Variants in DNAH10 observed in about 807,000 individuals in gnomAD.
DNAH10 encodes axonemal beta dynein heavy chain 10.
DNAH10 carries 348 observed loss-of-function variants against 506.6 expected under a neutral mutation model. The ratio of observed to expected loss-of-function variants is 0.69; its 90% CI spans 0.63 to 0.75. The LOEUF is 0.75. DNAH10 is among the 30% of genes least tolerant of loss of function. The pLI, the probability that DNAH10 is intolerant of heterozygous loss-of-function variation, is 0.00. For missense variants in DNAH10, 5,179 were observed against 5,787.1 expected, an observed-to-expected ratio of 0.89 and a Z score of 3.41; for synonymous variants, 2,059 against 2,198.6, an observed-to-expected ratio of 0.94 and a Z score of 1.78.
chr12:123,847,939 T>C (rs1047257661), intron 32 of DNAH10, 22 bp from the exon 33 acceptor site: 1 of 1,590,184 alleles, frequency 6.3e-7, no homozygotes, highest in African/African-American at 1.4e-5. Flanking sequence ...AAAACATATG[T>C]TTTGCATTTG....
Position 123,933,399 on chromosome 12 carries a change from G to A in DNAH10, c.13365G>A (p.Ala4455=), listed in dbSNP as rs747764700. 46 of 1,611,670 alleles carry A rather than the reference G, an allele frequency of 2.9e-5. No homozygotes were observed. Among genetic ancestry groups the A allele is most frequent in the African/African-American group, 8.0e-5 (6 of 74,852 alleles). ...ACATCCCTGAGTCCTACCTCACGGC[G>A]CTGGTGCAGGCCACCTGCCGGAAGA... ...GLHIPESYLT[A]LVQATCRKNG... Residue 4455 remains alanine (A), a synonymous_variant, in exon 77 of 79, where the codon GCG becomes GCA. Transcript: ENST00000673944.
intron 39 of DNAH10, among the ~76,000 whole-genome samples, chr12:123,862,648 A>G (rs1353273609): frequency 6.6e-6 from 1 of 152,080 alleles, no homozygotes; most frequent in African/African-American, 2.4e-5. Context: ...GCCTCAGCCA[A>G]CTACAGTGCT....
chr12:123,848,009 G>T lies in DNAH10; in HGVS notation c.5863G>T (p.Gly1955Cys). The change falls in exon 33 of 79, where the codon GGC (glycine) becomes TGC (cysteine). Residue 1955 changes from glycine to cysteine, a missense_variant. This residue lies in a region of DNAH10 where 4,844 missense variants were observed against 5,430.5 expected (regional missense o/e 0.89). Coordinates refer to ENST00000673944, the MANE Select transcript of DNAH10 (RefSeq NM_001372106.1). ...GGAPAGPAGT[G>C]KTETTKDLAK... ...GGCCCCCGCCGGCCCAGCAGGAACC[G>T]GCAAAACCGAGACCACCAAGGACCT... 1 of 1,613,926 alleles carries T rather than the reference G, an allele frequency of 6.2e-7. No individual in the cohort carries two copies. The highest frequency in any genetic ancestry group is 2.2e-5 in the East Asian group (1 of 44,874).
intron 66 of DNAH10, 136 bp from the exon 67 acceptor site, chr12:123,924,141 CA>C: frequency 8.1e-7 from 1 of 1,239,912 alleles, no homozygotes; most frequent in Non-Finnish European, 1.1e-6. Context: ...GTGACGAGGG[CA>C]AGCCTGGGCC....
At chr12:123,861,856 C>A (rs1457809831) in intron 39 of DNAH10, among the ~76,000 whole-genome samples, 4 of 152,248 alleles carry the variant, frequency 2.6e-5, no homozygotes, top group Non-Finnish European at 1.5e-5. Context: ...AAAACAGCTT[C>A]TTAGCGCTTT....
At position 123,800,317 on chromosome 12, in the gene DNAH10, C is replaced by T; in HGVS notation, c.2391C>T (p.Tyr797=). The T allele has an allele frequency of 6.2e-7, 1 of 1,614,168 alleles. No homozygotes were observed. The highest frequency in any genetic ancestry group is 8.5e-7 in the Non-Finnish European group (1 of 1,180,028). The part of the protein sequence containing the change: ...ALREIINETK[Y]LEQLGFTVPE... Reference sequence around the variant, plus strand: ...GAGAGATTATTAATGAAACAAAGTACTTAGAGCAGCTGGGGTTCACTGTCC... The same window carrying T: ...GAGAGATTATTAATGAAACAAAGTATTTAGAGCAGCTGGGGTTCACTGTCC... Residue 797 remains tyrosine (Y), a synonymous_variant, in exon 15 of 79, where the codon TAC becomes TAT. Transcript: ENST00000673944.
chr12:123,887,341 G>A lies in DNAH10; in HGVS notation c.8995+28G>A, dbSNP rs369912156. 8.2e-5 allele frequency: 132 copies of A among 1,605,514 alleles called. No homozygotes were observed. The Middle Eastern group carries it at 8.4e-4, about 10-fold the overall frequency. On this transcript the variant is annotated intron_variant, in intron 52 of 78. Coordinates refer to ENST00000673944, the MANE Select transcript of DNAH10 (RefSeq NM_001372106.1). Reference sequence around the variant, plus strand: ...ACAGCCAAGGCTGGCGCCCGCTGTGGCCAACACCCCGCTCAGCTCTTAAGG... The same window carrying A: ...ACAGCCAAGGCTGGCGCCCGCTGTGACCAACACCCCGCTCAGCTCTTAAGG...
chr12:123,860,163 T>C (rs138756410), intron 38 of DNAH10, among the ~76,000 whole-genome samples: 2,277 of 152,358 alleles, frequency 0.015, 26 homozygotes, highest in Middle Eastern at 0.065. Flanking sequence ...CCGTGGATGC[T>C]GATAGCCCGG....
In DNAH10 at chr12:123,873,726, A is replaced by T; in HGVS notation, c.7938+16A>T. On this transcript the variant is annotated intron_variant, in intron 46 of 78. Transcript: ENST00000673944. The stretch of plus-strand genomic sequence containing the variant: ...TATGCCAAGGGTAGTTTGACGCTCA[A>T]GCAGGTGGAGGGATGGGTCAAGACA... The T allele has an allele frequency of 6.3e-7, 1 of 1,596,056 alleles. No individual in the cohort carries two copies.
intron 51 of DNAH10, among the ~76,000 whole-genome samples, chr12:123,884,371 G>A (rs1328203608): frequency 2.0e-5 from 3 of 152,212 alleles, no homozygotes; most frequent in Non-Finnish European, 4.4e-5. Flanking sequence ...GTCTTAGGCA[G>A]TTCAGGCTGT....
At chr12:123,803,511 G>C in intron 16 of DNAH10, 150 bp from the exon 17 acceptor site, 1 of 716,114 alleles carries the variant, frequency 1.4e-6, no homozygotes, top group East Asian at 2.9e-5. Flanking sequence ...GTTCAAAGTG[G>C]ATCTTTGCCA....
intron 28 of DNAH10, among the ~76,000 whole-genome samples, chr12:123,837,008 C>T (rs569202470): frequency 1.8e-4 from 28 of 151,716 alleles, no homozygotes; most frequent in Non-Finnish European, 3.7e-4. Flanking sequence ...CCCAACACCA[C>T]GCCCGGCTAA....
In DNAH10 at chr12:123,820,748, A is replaced by G; in HGVS notation, c.4169A>G (p.Glu1390Gly). ...SGLRMIYELYEGLKVAKEEWS... is the reference protein window; with the variant it reads ...SGLRMIYELYGGLKVAKEEWS... ...CTGAGGATGATTTACGAGCTCTATG[A>G]AGGACTAAAGGTGAGCATCTCCCTG... Residue 1390 changes from glutamate to glycine, a missense_variant, in exon 24 of 79, where the codon GAA (glutamate) becomes GGA (glycine). Glu to Gly is a moderately conservative substitution (Grantham distance 98). Transcript: ENST00000673944. 1 of 1,613,906 alleles carries G rather than the reference A, an allele frequency of 6.2e-7. No homozygotes were observed. The highest frequency in any genetic ancestry group is 8.5e-7 in the Non-Finnish European group (1 of 1,179,848).
In DNAH10 at chr12:123,918,880, A is replaced by G; in HGVS notation, c.11437A>G (p.Ile3813Val). 6.2e-7 allele frequency: 1 copy of G among 1,613,828 alleles called. No individual in the cohort carries two copies. The highest frequency in any genetic ancestry group is 8.5e-7 in the Non-Finnish European group (1 of 1,179,868). ...ACTGAAGAAGTCGCTGCCTGATTCC[A>G]TCCTCATGAAACGCCTGAGGAACAT... ...LSLKKSLPDSILMKRLRNIMD... is the reference protein window; with the variant it reads ...LSLKKSLPDSVLMKRLRNIMD... Residue 3813 changes from isoleucine (I) to valine (V), a missense_variant, in exon 65 of 79, where the codon ATC becomes GTC. By Grantham distance (29) the Ile-to-Val change is conservative (BLOSUM62 3). Coordinates refer to ENST00000673944, the MANE Select transcript of DNAH10 (RefSeq NM_001372106.1).
chr12:123,823,132 G>A (rs1959596221), intron 24 of DNAH10, among the ~76,000 whole-genome samples: 1 of 152,240 alleles, frequency 6.6e-6, no homozygotes, highest in African/African-American at 2.4e-5. Context: ...TGGCCTGGGA[G>A]TGAGGCTCAG....
At chr12:123,806,007 A>G (rs1444408403) in intron 18 of DNAH10, among the ~76,000 whole-genome samples, 2 of 151,924 alleles carry the variant, frequency 1.3e-5, no homozygotes, top group Non-Finnish European at 2.9e-5. Context: ...TGATCTCCTG[A>G]CCTCATGATC....
rs1458721750 is a variant in DNAH10 at position 123,919,472 on chromosome 12, T to C, written c.11506+523T>C. ...CAGCTTTATTGAGACACAATTTACA[T>C]ACCATAAATTCGTCCTTTAAAAATA... On this transcript the variant is annotated intron_variant, in intron 65 of 78. Transcript: ENST00000673944. The surrounding 1 kb of genome is among the most constrained non-coding windows in gnomAD (Gnocchi z 4.9). Among the ~76,000 whole-genome samples the C allele has an allele frequency of 6.6e-6, 1 of 152,208 alleles. No individual in the cohort carries two copies. The highest frequency in any genetic ancestry group is 1.5e-5 in the Non-Finnish European group (1 of 68,034).
chr12:123,915,515 C>T (rs930334650), intron 62 of DNAH10, among the ~76,000 whole-genome samples: 2 of 146,982 alleles, frequency 1.4e-5, no homozygotes, highest in African/African-American at 5.4e-5. Context: ...AGCCATCACC[C>T]CTCCAGTCCT....
In DNAH10 at chr12:123,857,145, T is replaced by G; in HGVS notation, c.6528T>G (p.Asp2176Glu). 1 of 1,611,660 alleles carries G rather than the reference T, an allele frequency of 6.2e-7. No homozygotes were observed. The highest frequency in any genetic ancestry group is 8.5e-7 in the Non-Finnish European group (1 of 1,178,964). The change falls in exon 37 of 79, where the codon GAT (aspartate) becomes GAG (glutamate). Residue 2176 changes from aspartate to glutamate, a missense_variant. Asp to Glu is a conservative substitution (Grantham distance 45). Transcript: ENST00000673944. ...CTCTTTTCCTTGGTTTGATTTCGGA[T>G]CTGTTTCCTGGGCTGGACTGCCCTC... ...DVPLFLGLISDLFPGLDCPRV... is the reference protein window; with the variant it reads ...DVPLFLGLISELFPGLDCPRV...
Sources: allele counts gnomAD v4.1 joint callset (sites outside exome capture counted in the v4.1 genomes callset), GRCh38; gene constraint gnomAD v4.1.1; regional missense constraint gnomAD v4.1.1; non-coding constraint Gnocchi (gnomAD v3.1); transcripts MANE v1.5; gene names NCBI Gene and HGNC (gene_info 2026-07-23, HGNC 2026-07-21).